CAP2: variants seen among roughly 807,000 people sequenced by gnomAD.
CAP2 encodes cyclase associated actin cytoskeleton regulatory protein 2.
Under a neutral mutation model 57.7 loss-of-function variants are expected in CAP2, and 24 were observed. The ratio of observed to expected loss-of-function variants is 0.42; its 90% CI spans 0.30 to 0.58. The LOEUF is 0.58. Among genes scored for constraint, CAP2 ranks in the 20% least tolerant of loss-of-function variants. The pLI, the probability that CAP2 is intolerant of heterozygous loss-of-function variation, is 0.22. For synonymous variants in CAP2, 194 were observed against 207.2 expected (o/e 0.94, Z 0.55); for missense variants, 501 against 590.3 (o/e 0.85, Z 1.57).
intron 12 of CAP2, among the ~76,000 whole-genome samples, chr6:17,556,051 C>T (rs1581621164): frequency 6.6e-6 from 1 of 152,162 alleles, no homozygotes; most frequent in East Asian, 1.9e-4. Flanking sequence ...GAACTCCTAG[C>T]TCATAGGGTT....
At chr6:17,436,194 G>A (rs1027975615) in intron 3 of CAP2, among the ~76,000 whole-genome samples, 21 of 151,312 alleles carry the variant, frequency 1.4e-4, no homozygotes, top group South Asian at 8.4e-4. Flanking sequence ...ATGCGATTTC[G>A]GTCACTGCAA....
At chr6:17,423,471 C>T (rs934540803) in intron 2 of CAP2, among the ~76,000 whole-genome samples, 1 of 152,096 alleles carries the variant, frequency 6.6e-6, no homozygotes, top group African/African-American at 2.4e-5. Context: ...AATATTTTCA[C>T]CCTCTCTTCA....
At chr6:17,531,279 G>T in intron 7 of CAP2, 1 of 863,188 alleles carries the variant, frequency 1.2e-6, no homozygotes, top group Non-Finnish European at 2.0e-6. Context: ...CTTCACAAAG[G>T]TTCTGTTGAA....
At chr6:17,552,499 A>C (rs1024038561) in intron 12 of CAP2, among the ~76,000 whole-genome samples, 5 of 152,098 alleles carry the variant, frequency 3.3e-5, no homozygotes, top group Non-Finnish European at 7.4e-5. Context: ...AAATACAAAA[A>C]TTAGCCGTGT....
chr6:17,491,889 G>A (rs892679572), intron 4 of CAP2, among the ~76,000 whole-genome samples: 2 of 152,154 alleles, frequency 1.3e-5, no homozygotes, highest in East Asian at 1.9e-4. Context: ...TTCCCTCCCC[G>A]CAAACTGATC....
intron 4 of CAP2, among the ~76,000 whole-genome samples, chr6:17,494,170 G>C (rs1430689681): frequency 6.6e-6 from 1 of 152,128 alleles, no homozygotes; most frequent in Non-Finnish European, 1.5e-5. Flanking sequence ...TCTCAATACA[G>C]CAGCCAGAGC....
intron 1 of CAP2, among the ~76,000 whole-genome samples, chr6:17,413,073 G>A (rs1421597262): frequency 6.6e-6 from 1 of 152,110 alleles, no homozygotes; most frequent in African/African-American, 2.4e-5. Context: ...GGAGCATGGG[G>A]AATTGTAGCT....
intron 3 of CAP2, among the ~76,000 whole-genome samples, chr6:17,452,692 C>T (rs116169071): frequency 6.6e-6 from 1 of 152,142 alleles, no homozygotes; most frequent in South Asian, 2.1e-4. Flanking sequence ...GAGGACTTTG[C>T]TATTTTTCAT....
At chr6:17,492,773 C>A (rs1414599191) in intron 4 of CAP2, among the ~76,000 whole-genome samples, 1 of 152,162 alleles carries the variant, frequency 6.6e-6, no homozygotes, top group East Asian at 1.9e-4. Context: ...CTTTGTACTG[C>A]TTCACTCCTT....
intron 1 of CAP2, among the ~76,000 whole-genome samples, chr6:17,402,172 G>C (rs561246065): frequency 6.6e-6 from 1 of 152,218 alleles, no homozygotes; most frequent in South Asian, 2.1e-4. Context: ...GATGAGAATG[G>C]ACCTGTAATG....
intron 3 of CAP2, among the ~76,000 whole-genome samples, chr6:17,435,225 T>G (rs1482287054): frequency 1.0e-5 from 1 of 98,158 alleles, no homozygotes; most frequent in Non-Finnish European, 2.0e-5. Context: ...TAAAGACACA[T>G]GCACACGTAT....
chr6:17,465,415 G>A (rs896220844), intron 4 of CAP2, among the ~76,000 whole-genome samples: 3 of 152,160 alleles, frequency 2.0e-5, no homozygotes, highest in African/African-American at 7.2e-5. Flanking sequence ...CACTGGAAAC[G>A]TCTGGCAGCA....
Position 17,554,384 on chromosome 6 carries a change from A to C in CAP2, c.1351-1975A>C, listed in dbSNP as rs75154774. 7.9e-3 allele frequency among the ~76,000 whole-genome samples: 1,202 copies of C among 152,336 alleles called. 23 individuals are homozygous for C. The highest frequency in any genetic ancestry group is 0.027 in the African/African-American group (1,114 of 41,576). Reference sequence around the variant, plus strand: ...TCCTTCCCTGCAACTCTGCCAAAAGAGATACCAAATCAGAGTGGCTCTTCA... The same window carrying C: ...TCCTTCCCTGCAACTCTGCCAAAAGCGATACCAAATCAGAGTGGCTCTTCA... On this transcript the variant is annotated intron_variant, in intron 12 of 12. Transcript: ENST00000229922.
At chr6:17,543,951 C>G (rs577956892) in intron 11 of CAP2, among the ~76,000 whole-genome samples, 1 of 151,930 alleles carries the variant, frequency 6.6e-6, no homozygotes, top group African/African-American at 2.4e-5. Context: ...ATGGTGAAAC[C>G]CTGTCTATAT....
chr6:17,478,897 T>C (rs946833288), intron 4 of CAP2, among the ~76,000 whole-genome samples: 2 of 152,194 alleles, frequency 1.3e-5, no homozygotes, highest in Non-Finnish European at 2.9e-5. Flanking sequence ...CTCCTCAAAG[T>C]TTTTCCTTCT....
chr6:17,438,424 T>C (rs1177535054), intron 3 of CAP2, among the ~76,000 whole-genome samples: 1 of 123,770 alleles, frequency 8.1e-6, no homozygotes, highest in Non-Finnish European at 1.6e-5. Flanking sequence ...TGTTTGACCA[T>C]CCAGAAGTGT....
intron 1 of CAP2, among the ~76,000 whole-genome samples, chr6:17,396,448 GC>G (rs1427845106): frequency 6.6e-6 from 1 of 152,200 alleles, no homozygotes; most frequent in Non-Finnish European, 1.5e-5. Context: ...TATCCATACA[GC>G]GAGATATTAT....
At chr6:17,458,898 A>G (rs1343811903) in intron 3 of CAP2, among the ~76,000 whole-genome samples, 3 of 151,868 alleles carry the variant, frequency 2.0e-5, no homozygotes, top group Admixed American at 6.6e-5. Context: ...AAAAAAAAAA[A>G]AAAGAAAGAA....
chr6:17,432,031 T>C (rs1161765590), intron 3 of CAP2, among the ~76,000 whole-genome samples: 1 of 152,116 alleles, frequency 6.6e-6, no homozygotes, highest in Non-Finnish European at 1.5e-5. Flanking sequence ...TAGATGAACA[T>C]CAGCCTCCTT....
Sources: gnomAD v4.1 joint callset for allele counts (sites outside exome capture counted in the v4.1 genomes callset) on GRCh38, gnomAD v4.1.1 for gene constraint, MANE v1.5 for transcripts, NCBI Gene and HGNC (gene_info 2026-07-23, HGNC 2026-07-21) for gene names.